Variants in PSMC6 observed in about 807,000 individuals in gnomAD.
The protein encoded by PSMC6 is proteasome 26S subunit, ATPase 6, also known as 26S proteasome regulatory subunit 10B.
In PSMC6, 3 loss-of-function variants were observed where a neutral mutation model predicts 55.9. The observed-to-expected ratio is 0.05, with a 90% CI of 0.02 to 0.14. The LOEUF is 0.14. Among genes scored for constraint, PSMC6 ranks in the 10% least tolerant of loss-of-function variants. The probability of loss-of-function intolerance (pLI) is 1.00; values close to 1 mark genes in which losing one functional copy is unlikely to be tolerated. For missense variants in PSMC6, 210 were observed against 478.7 expected (o/e 0.44, Z 5.24); for synonymous variants, 137 against 155.9 (o/e 0.88, Z 0.90).
intron 10 of PSMC6, among the ~76,000 whole-genome samples, chr14:52,720,367 C>CAAAAAAAAAAAAAAAAAAAA (rs71444775): frequency 4.8e-5 from 2 of 41,482 alleles, no homozygotes; most frequent in Admixed American, 4.3e-4. Flanking sequence ...AACTCTGTCT[C>CAAAAAAAAAAAAAAAAAAAA]AAAAAAAAAA....
intron 1 of PSMC6, 136 bp from the exon 2 acceptor site, chr14:52,708,172 CT>C: frequency 1.4e-6 from 1 of 701,576 alleles, no homozygotes; most frequent in Non-Finnish European, 2.4e-6. Context: ...AGCATTATTT[CT>C]TTTATGGTTT....
chr14:52,727,018 A>ATTTTTT (rs66797420), intron 13 of PSMC6, among the ~76,000 whole-genome samples: 7 of 102,166 alleles, frequency 6.9e-5, no homozygotes, highest in African/African-American at 1.2e-4. Context: ...ACCGCTATGG[A>ATTTTTT]TTTTTTTTTT....
chr14:52,715,883 C>T (rs908890055), intron 7 of PSMC6, among the ~76,000 whole-genome samples: 13 of 152,106 alleles, frequency 8.5e-5, no homozygotes, highest in African/African-American at 3.1e-4. Flanking sequence ...TCCCAAAGTG[C>T]TGGGATTACA....
At chr14:52,707,347 G>A in intron 1 of PSMC6, 43 bp downstream of exon 1, 1 of 1,609,604 alleles carries the variant, frequency 6.2e-7, no homozygotes, top group African/African-American at 1.3e-5. Context: ...GCCTCGACTC[G>A]CTTCTGCCTC....
At chr14:52,707,444 C>T in intron 1 of PSMC6, 140 bp downstream of exon 1, 3 of 1,175,446 alleles carry the variant, frequency 2.6e-6, no homozygotes, top group Non-Finnish European at 3.6e-6. Context: ...GCTTTGTCAT[C>T]CGGCCCTGAG....
In PSMC6 at chr14:52,713,780, T is replaced by C. The variant is rs1012117230; in HGVS notation, c.442-101T>C. 7.5e-6 allele frequency: 5 copies of C among 668,396 alleles called. No homozygotes were observed. The East Asian group carries it at 1.1e-4, about 15-fold the overall frequency. 41.4% of individuals were successfully genotyped at this position (668,396 alleles called of 1,614,324 possible). A position where few individuals can be genotyped will look rare whatever the true frequency, so the allele number is the denominator to read the frequency against. On this transcript the variant is annotated intron_variant, in intron 6 of 13. Coordinates refer to ENST00000445930, the MANE Select transcript of PSMC6 (RefSeq NM_002806.5). ...GGAAGTCTAGGTCTATTAAGAATTA[T>C]GATGTGTACACCTAACTAAGGTGAT...
intron 4 of PSMC6, chr14:52,710,785 C>T: frequency 3.0e-6 from 1 of 338,780 alleles, no homozygotes; most frequent in South Asian, 3.0e-5. Context: ...AAAATGTTCA[C>T]TAAGGGATTT....
intron 10 of PSMC6, among the ~76,000 whole-genome samples, chr14:52,719,446 G>C (rs892958069): frequency 1.3e-5 from 2 of 152,190 alleles, no homozygotes; most frequent in African/African-American, 4.8e-5. Flanking sequence ...TGCTGAGACT[G>C]AGGCAACTAA....
intron 5 of PSMC6, 86 bp downstream of exon 5, chr14:52,711,254 A>G: frequency 7.2e-7 from 1 of 1,385,280 alleles, no homozygotes. Flanking sequence ...AGATCACTGA[A>G]TATTTTGGCA....
chr14:52,728,102 A>T lies in PSMC6; in HGVS notation c.*485A>T, dbSNP rs1454447158. ...ATTGTGGATTTTTGAATATTATTTT[A>T]AAATAGTACACATACTTAATGTTCA... On this transcript the variant is annotated 3_prime_UTR_variant, in exon 14 of 14. Coordinates refer to ENST00000445930, the MANE Select transcript of PSMC6 (RefSeq NM_002806.5). 6.5e-6 allele frequency: 1 copy of T among 154,988 alleles called. No homozygotes were observed. Among genetic ancestry groups the T allele is most frequent in the Non-Finnish European group, 1.4e-5 (1 of 69,924 alleles). The allele number at this position is 154,988 out of a possible 1,614,324, so 9.6% of individuals were successfully genotyped here.
At chr14:52,716,568 A>G (rs187294653) in intron 7 of PSMC6, among the ~76,000 whole-genome samples, 57 of 152,310 alleles carry the variant, frequency 3.7e-4, no homozygotes, top group Non-Finnish European at 2.4e-4. Flanking sequence ...AGCCTGACCA[A>G]CATGGAGAAA....
chr14:52,707,268 C>T lies in PSMC6; in HGVS notation c.49C>T (p.Leu17Phe). The T allele has an allele frequency of 6.2e-7, 1 of 1,614,100 alleles. No individual in the cohort carries two copies. The highest frequency in any genetic ancestry group is 8.5e-7 in the Non-Finnish European group (1 of 1,180,032). The change falls in exon 1 of 14, where the codon CTT becomes TTT. Residue 17 changes from leucine (L) to phenylalanine (F), a missense_variant. Physicochemically the swap from Leu to Phe is conservative, Grantham distance 22 (BLOSUM62 0). Around this residue, in one of 4 missense-constraint regions of PSMC6, gnomAD observed 101 missense variants for 250.4 expected, o/e 0.40. Transcript: ENST00000445930. ...GCTTCAGGACTACCGCAAGAAGTTG[C>T]TTGAACACAAGGAGATCGACGGCCG... ...KALQDYRKKL[L>F]EHKEIDGRLK... is the part of the protein sequence containing the mutation.
chr14:52,709,487 G>A, intron 4 of PSMC6: 1 of 399,042 alleles, frequency 2.5e-6, no homozygotes, highest in Non-Finnish European at 4.9e-6. Flanking sequence ...CTCCTATTAG[G>A]ATTTTGCCTA....
intron 10 of PSMC6, among the ~76,000 whole-genome samples, chr14:52,719,682 C>T (rs145754657): frequency 3.1e-4 from 47 of 152,268 alleles, no homozygotes; most frequent in African/African-American, 1.1e-3. Flanking sequence ...TACAGATCCG[C>T]TCAGAAGATA....
At chr14:52,725,139 G>A (rs139985509) in intron 13 of PSMC6, among the ~76,000 whole-genome samples, 1 of 152,208 alleles carries the variant, frequency 6.6e-6, no homozygotes, top group Non-Finnish European at 1.5e-5. Flanking sequence ...GAACAAGTTA[G>A]AGTAATTTAT....
At chr14:52,715,997 G>A (rs1182098301) in intron 7 of PSMC6, among the ~76,000 whole-genome samples, 2 of 152,154 alleles carry the variant, frequency 1.3e-5, no homozygotes, top group Non-Finnish European at 1.5e-5. Context: ...TTTTTATAAT[G>A]TGTGGTGGAA....
At chr14:52,716,242 G>C (rs1347524648) in intron 7 of PSMC6, among the ~76,000 whole-genome samples, 1 of 152,186 alleles carries the variant, frequency 6.6e-6, no homozygotes, top group Admixed American at 6.5e-5. Context: ...TACACTACTG[G>C]TGGGAATGTA....
intron 6 of PSMC6, among the ~76,000 whole-genome samples, chr14:52,713,000 G>A (rs145386645): frequency 0.1 from 15,967 of 152,094 alleles, 892 homozygotes; most frequent in South Asian, 0.14. Context: ...GGGAGGCTGA[G>A]GTGGGTGGAT....
intron 2 of PSMC6, 25 bp downstream of exon 2, chr14:52,708,413 G>C (rs1371457887): frequency 6.2e-7 from 1 of 1,611,898 alleles, no homozygotes; most frequent in African/African-American, 1.3e-5. Flanking sequence ...TTGGGGAATA[G>C]GGGGTGATGG....
Sources: allele counts gnomAD v4.1 joint callset (sites outside exome capture counted in the v4.1 genomes callset), GRCh38; gene constraint gnomAD v4.1.1; regional missense constraint gnomAD v4.1.1; transcripts MANE v1.5; gene names NCBI Gene and HGNC (gene_info 2026-07-23, HGNC 2026-07-21).